The following ADAM22 variants were observed in gnomAD, a reference collection of about 807,000 sequenced individuals.
ADAM22 encodes the protein ADAM metallopeptidase domain 22, also known as disintegrin and metalloproteinase domain-containing protein 22.
In ADAM22, 65 loss-of-function variants were observed where a neutral mutation model predicts 144.6. The observed-to-expected ratio is 0.45, with a 90% CI of 0.37 to 0.55. The LOEUF (loss-of-function observed/expected upper bound fraction) is 0.55, where lower values mean the gene tolerates loss of function less well. Among genes scored for constraint, ADAM22 ranks in the 20% least tolerant of loss-of-function variants. The pLI is 0.00. For missense variants in ADAM22, 974 were observed against 1,184.9 expected, an observed-to-expected ratio of 0.82 and a Z score of 2.61; for synonymous variants, 391 against 412.6, an observed-to-expected ratio of 0.95 and a Z score of 0.63.
chr7:87,975,405 A>G (rs1010671636), intron 2 of ADAM22, among the ~76,000 whole-genome samples: 9 of 152,224 alleles, frequency 5.9e-5, no homozygotes, highest in Admixed American at 5.9e-4. Context: ...AGCACTTGGT[A>G]GGCTCTCAGA....
At chr7:88,150,954 C>T (rs1218454436) in intron 18 of ADAM22, 27 bp from the exon 19 acceptor site, 2 of 1,589,862 alleles carry the variant, frequency 1.3e-6, no homozygotes, top group Non-Finnish European at 1.7e-6. Context: ...CACTGCATTT[C>T]ATTCATAGTT....
chr7:88,106,265 T>C (rs1343828176), intron 4 of ADAM22, among the ~76,000 whole-genome samples: 1 of 152,184 alleles, frequency 6.6e-6, no homozygotes, highest in East Asian at 1.9e-4. Flanking sequence ...TGATGATCAG[T>C]GGCTCCCCTG....
At chr7:87,994,474 T>C (rs1790654099) in intron 3 of ADAM22, among the ~76,000 whole-genome samples, 2 of 152,090 alleles carry the variant, frequency 1.3e-5, no homozygotes, top group Admixed American at 1.3e-4. Context: ...TTACTGTCAT[T>C]CTTTAGCCAA....
intron 15 of ADAM22, 40 bp from the exon 16 acceptor site, chr7:88,145,085 T>C (rs1276597962): frequency 6.3e-7 from 1 of 1,589,514 alleles, no homozygotes; most frequent in African/African-American, 1.4e-5. Flanking sequence ...TTGATGTTGA[T>C]TTTTCTATAT....
intron 3 of ADAM22, among the ~76,000 whole-genome samples, chr7:88,026,844 A>G (rs1270479297): frequency 1.3e-5 from 2 of 152,054 alleles, no homozygotes; most frequent in Non-Finnish European, 2.9e-5. Flanking sequence ...TCCATTCAGT[A>G]TGGTACTAAC....
intron 2 of ADAM22, among the ~76,000 whole-genome samples, chr7:87,941,873 AT>A (rs775378654): frequency 1.3e-5 from 2 of 152,200 alleles, no homozygotes; most frequent in East Asian, 1.9e-4. Flanking sequence ...TTGATAAAAA[AT>A]GTTCCTATTT....
In ADAM22 at chr7:87,951,400, CT is replaced by C. The variant is rs376780764; in HGVS notation, c.246+16218del. Reference sequence around the variant, plus strand: ...AGCACCATTTATTAAATAGGGAATCCTTTTCCCCATTGCTTGTTTTTCTCAG... The same window carrying C: ...AGCACCATTTATTAAATAGGGAATCCTTTCCCCATTGCTTGTTTTTCTCAG... On this transcript the variant is annotated intron_variant, in intron 2 of 31. Coordinates refer to ENST00000413139, the MANE Select transcript of ADAM22 (RefSeq NM_001324418.2). Among the ~76,000 whole-genome samples the C allele has an allele frequency of 6.4e-5, 7 of 109,040 alleles. 1 individual carries two copies. The highest frequency in any genetic ancestry group is 4.4e-4 in the East Asian group (2 of 4,558). 71.5% of individuals were successfully genotyped at this position (109,040 alleles called of 152,430 possible). A position where few individuals can be genotyped will look rare whatever the true frequency, so the allele number is the denominator to read the frequency against.
intron 10 of ADAM22, among the ~76,000 whole-genome samples, chr7:88,130,713 G>T (rs7792733): frequency 0.022 from 3,365 of 152,210 alleles, 138 homozygotes; most frequent in African/African-American, 0.077. Flanking sequence ...AACAAAGGTT[G>T]TGTCATACCC....
intron 3 of ADAM22, among the ~76,000 whole-genome samples, chr7:88,004,896 T>C (rs1474967702): frequency 6.6e-6 from 1 of 152,190 alleles, no homozygotes; most frequent in African/African-American, 2.4e-5. Flanking sequence ...TCTCATTTTC[T>C]TGATGGAGAG....
intron 4 of ADAM22, among the ~76,000 whole-genome samples, chr7:88,079,684 A>G (rs1815875474): frequency 6.6e-6 from 1 of 152,224 alleles, no homozygotes; most frequent in African/African-American, 2.4e-5. Flanking sequence ...AAAAAATGGC[A>G]GGGGTTGCAA....
intron 3 of ADAM22, among the ~76,000 whole-genome samples, chr7:88,007,854 C>T (rs1187252411): frequency 2.0e-5 from 3 of 152,138 alleles, no homozygotes; most frequent in Non-Finnish European, 4.4e-5. Flanking sequence ...GACTTCATGT[C>T]TAAAACACCA....
intron 4 of ADAM22, among the ~76,000 whole-genome samples, chr7:88,079,235 C>T (rs183342289): frequency 0.013 from 1,916 of 152,208 alleles, 24 homozygotes; most frequent in Non-Finnish European, 0.017. Flanking sequence ...AATTTCATAA[C>T]CAGCCAAACT....
chr7:88,060,586 G>C (rs1365890638), intron 3 of ADAM22, among the ~76,000 whole-genome samples: 3 of 151,100 alleles, frequency 2.0e-5, no homozygotes, highest in Non-Finnish European at 1.5e-5. Flanking sequence ...CTGGCTAATG[G>C]TGAAACCCGT....
At position 88,128,643 on chromosome 7, in the gene ADAM22, C is replaced by T. The variant is rs750127025; in HGVS notation, c.720C>T (p.Tyr240=). The change falls in exon 9 of 32, where the codon TAC becomes TAT. Residue 240 remains tyrosine (Y), a synonymous_variant. Transcript: ENST00000413139. ...GTAATGTAGAAGAAGAAACCAAATA[C>T]ATTGAACTGATGATTGTGAATGATC... is the stretch of plus-strand genomic sequence containing the variant. The part of the protein sequence containing the change: ...YPRNVEEETK[Y]IELMIVNDHL... 3 of 1,612,008 alleles carry T rather than the reference C, an allele frequency of 1.9e-6. No homozygotes were observed. The highest frequency in any genetic ancestry group is 2.5e-6 in the Non-Finnish European group (3 of 1,178,438).
chr7:88,187,989 C>G (rs146405481), intron 30 of ADAM22, among the ~76,000 whole-genome samples: 2 of 151,874 alleles, frequency 1.3e-5, no homozygotes, highest in Admixed American at 1.3e-4. Flanking sequence ...TACACATACA[C>G]TCACATTCAA....
intron 27 of ADAM22, among the ~76,000 whole-genome samples, chr7:88,180,602 A>G (rs1846759896): frequency 6.6e-6 from 1 of 152,116 alleles, no homozygotes; most frequent in Admixed American, 6.6e-5. Context: ...TATTCCATTA[A>G]CCAGAATAAT....
chr7:87,971,720 TATA>T (rs1850485854), intron 2 of ADAM22, among the ~76,000 whole-genome samples: 2 of 152,234 alleles, frequency 1.3e-5, no homozygotes, highest in African/African-American at 4.8e-5. Flanking sequence ...TTCTTGGTAT[TATA>T]CTGATTCTCT....
At chr7:88,116,875 C>T (rs1827889623) in intron 7 of ADAM22, 61 bp downstream of exon 7, 3 of 1,232,182 alleles carry the variant, frequency 2.4e-6, no homozygotes, top group East Asian at 4.7e-5. Context: ...TATTTAATGC[C>T]TTAGAACTAA....
At position 88,162,923 on chromosome 7, in the gene ADAM22, G is replaced by A. The variant is rs140931045; in HGVS notation, c.1908-89G>A. 1.4e-4 allele frequency: 196 copies of A among 1,374,226 alleles called. 1 individual carries two copies. In the African/African-American group the frequency reaches 2.6e-3, roughly 18 times the overall value. The allele number at this position is 1,374,226 out of a possible 1,614,324, so 85.1% of individuals were successfully genotyped here. On this transcript the variant is annotated intron_variant, in intron 22 of 31. Transcript: ENST00000413139. The stretch of plus-strand genomic sequence containing the variant: ...ATAAGTAATAAATAGAATAGAGGAA[G>A]CAATATTGCCTGCTTTTAAGTTTTT...
Sources: gnomAD v4.1 joint callset for allele counts (sites outside exome capture counted in the v4.1 genomes callset) on GRCh38, gnomAD v4.1.1 for gene constraint, MANE v1.5 for transcripts, NCBI Gene and HGNC (gene_info 2026-07-23, HGNC 2026-07-21) for gene names.